GBP6: variants seen among roughly 807,000 people sequenced by gnomAD.
GBP6 encodes guanylate-binding protein 6.
Under a neutral mutation model 61.5 loss-of-function variants are expected in GBP6, and 54 were observed. That is an observed-to-expected ratio of 0.88 (90% CI 0.71 to 1.10). GBP6 has a LOEUF of 1.10. Ranked by LOEUF, GBP6 falls within the 50% of genes least tolerant of loss-of-function variation. The probability of loss-of-function intolerance (pLI) is 0.00; values close to 1 mark genes in which losing one functional copy is unlikely to be tolerated. For synonymous variants in GBP6, 255 were observed against 273.7 expected (o/e 0.93, Z 0.67); for missense variants, 748 against 752.8 (o/e 0.99, Z 0.07).
intron 10 of GBP6, 130 bp from the exon 11 acceptor site, chr1:89,385,100 T>A: frequency 1.3e-6 from 1 of 785,802 alleles, no homozygotes; most frequent in Non-Finnish European, 2.0e-6. Context: ...AGGTCCAAAT[T>A]CTCCTCTAAT....
At chr1:89,383,626 C>A (rs1653049249) in intron 8 of GBP6, 26 bp from the exon 9 acceptor site, 1 of 1,479,086 alleles carries the variant, frequency 6.8e-7, no homozygotes, top group Non-Finnish European at 9.4e-7. Context: ...TCAAAGAAAT[C>A]TAAGTGCTTT....
intron 3 of GBP6, among the ~76,000 whole-genome samples, chr1:89,373,378 C>T (rs137873279): frequency 1.4e-3 from 215 of 152,200 alleles, no homozygotes; most frequent in African/African-American, 4.3e-3. Context: ...ATGTTTATTG[C>T]GGCACTATTC....
At position 89,382,789 on chromosome 1, in the gene GBP6, C is replaced by T. The variant is rs1220250370; in HGVS notation, c.1278C>T (p.Phe426=). ...TGGAAAGTATCTCAGCAGGAAGTTT[C>T]TCTGTTCCTGGAGGGCACAAGCTCT... ...GLMESISAGS[F]SVPGGHKLYM... Residue 426 remains phenylalanine, a synonymous_variant, in exon 8 of 11, where the codon TTC becomes TTT. Coordinates refer to ENST00000370456, the MANE Select transcript of GBP6 (RefSeq NM_198460.3). 1.2e-6 allele frequency: 2 copies of T among 1,613,916 alleles called. No homozygotes were observed. Among genetic ancestry groups the T allele is most frequent in the Non-Finnish European group, 1.7e-6 (2 of 1,179,942 alleles).
rs1305518667 is a variant in GBP6 at position 89,385,237 on chromosome 1, A to G, written c.1670A>G (p.Asn557Ser). ...TTCCTACATTGTCTTTAGGTCCAAAATGATTGGCTTCATGAAGGATTTAAG... is the reference window on the plus strand; with the variant it reads ...TTCCTACATTGTCTTTAGGTCCAAAGTGATTGGCTTCATGAAGGATTTAAG... Reference protein sequence around the residue: ...MMLEHTQKVQNDWLHEGFKKK... With the variant: ...MMLEHTQKVQSDWLHEGFKKK... Residue 557 changes from asparagine to serine, a missense_variant, in exon 11 of 11, where the codon AAT (asparagine) becomes AGT (serine). Coordinates refer to ENST00000370456, the MANE Select transcript of GBP6 (RefSeq NM_198460.3). 6.2e-7 allele frequency: 1 copy of G among 1,613,024 alleles called. No homozygotes were observed. Among genetic ancestry groups the G allele is most frequent in the Non-Finnish European group, 8.5e-7 (1 of 1,179,120 alleles).
intron 2 of GBP6, among the ~76,000 whole-genome samples, 198 bp downstream of exon 2, chr1:89,368,939 ACT>A (rs1652541911): frequency 6.6e-6 from 1 of 151,996 alleles, no homozygotes; most frequent in African/African-American, 2.4e-5. Flanking sequence ...CATTAAGGAA[ACT>A]CTACATTACT....
chr1:89,378,660 T>C, intron 5 of GBP6, 47 bp downstream of exon 5: 1 of 1,424,210 alleles, frequency 7.0e-7, no homozygotes. Context: ...GGGTGTGTGA[T>C]CTGCTAAACA....
intron 3 of GBP6, among the ~76,000 whole-genome samples, chr1:89,372,388 G>A (rs934265193): frequency 9.2e-5 from 14 of 152,196 alleles, no homozygotes; most frequent in African/African-American, 3.4e-4. Flanking sequence ...AAAGTTGGAG[G>A]CATCATGCTA....
In GBP6 at chr1:89,382,810, G is replaced by A; in HGVS notation, c.1299G>A (p.Lys433=). The change falls in exon 8 of 11, where the codon AAG becomes AAA. Residue 433 remains lysine, a synonymous_variant. Coordinates refer to ENST00000370456, the MANE Select transcript of GBP6 (RefSeq NM_198460.3). ...AGSFSVPGGH[K]LYMETKERIE... is the part of the protein sequence containing the mutation. ...GTTTCTCTGTTCCTGGAGGGCACAA[G>A]CTCTACATGGAAACAAAGGAAAGGA... The A allele has an allele frequency of 1.9e-6, 3 of 1,614,054 alleles. No individual in the cohort carries two copies. Among genetic ancestry groups the A allele is most frequent in the Non-Finnish European group, 2.5e-6 (3 of 1,179,936 alleles).
rs1310021711 is a variant in GBP6, at chr1:89,373,349, T to C, written c.318+3676T>C. On this transcript the variant is annotated intron_variant, in intron 3 of 10. Transcript: ENST00000370456. ...CAAAGGATTATAGATCATGCTGCTA[T>C]AAAGACACATGCACATGTATGTTTA... Among the ~76,000 whole-genome samples, 5 of 152,302 alleles carry C rather than the reference T, an allele frequency of 3.3e-5. No individual in the cohort carries two copies. The East Asian group carries it at 7.7e-4, about 23-fold the overall frequency.
At chr1:89,367,668 A>G (rs1652502499) in intron 1 of GBP6, among the ~76,000 whole-genome samples, 1 of 152,138 alleles carries the variant, frequency 6.6e-6, no homozygotes, top group African/African-American at 2.4e-5. Flanking sequence ...AGTGTGGTGT[A>G]TCTAATTTTT....
At position 89,384,163 on chromosome 1, in the gene GBP6, G is replaced by A. The variant is rs149786780; in HGVS notation, c.1539G>A (p.Gln513=). The A allele has an allele frequency of 1.9e-6, 3 of 1,614,016 alleles. No homozygotes were observed. In the African/African-American group the frequency reaches 4.0e-5, roughly 22 times the overall value. The change falls in exon 10 of 11, where the codon CAG becomes CAA. Residue 513 remains glutamine, a synonymous_variant. Coordinates refer to ENST00000370456, the MANE Select transcript of GBP6 (RefSeq NM_198460.3). Reference sequence around the variant, plus strand: ...TAAAACAGAAATTACAGGAGCAGCAGCAACAGATGGAGGCTCAAGATAAGA... The same window carrying A: ...TAAAACAGAAATTACAGGAGCAGCAACAACAGATGGAGGCTCAAGATAAGA... The part of the protein sequence containing the change: ...ELLKQKLQEQ[Q]QQMEAQDKSR...
At position 89,380,585 on chromosome 1, in the gene GBP6, T is replaced by G. The variant is rs779220740; in HGVS notation, c.825T>G (p.His275Gln). 7 of 1,614,152 alleles carry G rather than the reference T, an allele frequency of 4.3e-6. No homozygotes were observed. The highest frequency in any genetic ancestry group is 5.9e-6 in the Non-Finnish European group (7 of 1,179,968). ...TNIFCSYIFTHARTKTLREGI... is the reference protein window; with the variant it reads ...TNIFCSYIFTQARTKTLREGI... ...TTTTCTGTTCTTACATCTTCACTCA[T>G]GCAAGAACCAAGACCCTCAGGGAGG... The change falls in exon 6 of 11, where the codon CAT becomes CAG. Residue 275 changes from histidine to glutamine, a missense_variant. By Grantham distance (24) the His-to-Gln change is conservative (BLOSUM62 0). Transcript: ENST00000370456.
At position 89,384,181 on chromosome 1, in the gene GBP6, A is replaced by C. The variant is rs1019590607; in HGVS notation, c.1557A>C (p.Gln519His). Residue 519 changes from glutamine to histidine, a missense_variant, in exon 10 of 11, where the codon CAA (glutamine) becomes CAC (histidine). By Grantham distance (24) the Gln-to-His change is conservative. Transcript: ENST00000370456. ...AGCAGCAGCAACAGATGGAGGCTCA[A>C]GATAAGAGTCGCAAGGAAAACATAG... The part of the protein sequence containing the change: ...LQEQQQQMEA[Q>H]DKSRKENIAQ... 6.2e-7 allele frequency: 1 copy of C among 1,614,074 alleles called. No individual in the cohort carries two copies. Among genetic ancestry groups the C allele is most frequent in the South Asian group, 1.1e-5 (1 of 91,076 alleles).
chr1:89,366,341 T>C (rs901987682), intron 1 of GBP6, among the ~76,000 whole-genome samples: 2 of 152,228 alleles, frequency 1.3e-5, no homozygotes. Flanking sequence ...AGCCTGTACT[T>C]GAATTCTTTA....
Position 89,378,180 on chromosome 1 carries a change from C to A in GBP6, c.396C>A (p.Ser132Arg). The A allele has an allele frequency of 6.2e-7, 1 of 1,612,772 alleles. No individual in the cohort carries two copies. Among genetic ancestry groups the A allele is most frequent in the Non-Finnish European group, 8.5e-7 (1 of 1,179,712 alleles). Residue 132 changes from serine (S) to arginine (R), a missense_variant, in exon 4 of 11, where the codon AGC becomes AGA. Transcript: ENST00000370456. The part of the protein sequence containing the change: ...LCSTFVYNSM[S>R]TINHQALEQL... ...GCACCTTTGTCTACAACAGCATGAG[C>A]ACCATCAACCACCAGGCCCTGGAGC...
At chr1:89,378,742 G>T (rs1270428559) in intron 5 of GBP6, 129 bp downstream of exon 5, 3 of 666,174 alleles carry the variant, frequency 4.5e-6, no homozygotes, top group East Asian at 5.4e-5. Flanking sequence ...GGACTGAGGG[G>T]TATGTTGAAG....
chr1:89,377,790 G>A (rs1369332096), intron 3 of GBP6, among the ~76,000 whole-genome samples: 2 of 152,152 alleles, frequency 1.3e-5, no homozygotes, highest in Admixed American at 6.5e-5. Context: ...AATATGTGTA[G>A]ACTGAAGAAG....
rs750961119 is a variant in GBP6, at chr1:89,369,571, G to A, written c.216G>A (p.Gln72=). The change falls in exon 3 of 11, where the codon CAG becomes CAA. Residue 72 remains glutamine, a synonymous_variant. Coordinates refer to ENST00000370456, the MANE Select transcript of GBP6 (RefSeq NM_198460.3). ...GCTTCCCTCTGGGCTCCACGGTGCA[G>A]TCTGAAACCAAGGGCATCTGGATGT... The part of the protein sequence containing the change: ...NHGFPLGSTV[Q]SETKGIWMWC... 6 of 1,613,958 alleles carry A rather than the reference G, an allele frequency of 3.7e-6. No individual in the cohort carries two copies. Among genetic ancestry groups the A allele is most frequent in the East Asian group, 2.2e-5 (1 of 44,890 alleles).
At chr1:89,373,715 AATG>A (rs571211915) in intron 3 of GBP6, among the ~76,000 whole-genome samples, 376 of 152,152 alleles carry the variant, frequency 2.5e-3, no homozygotes, top group Non-Finnish European at 4.1e-3. Context: ...ACCTAATGTA[AATG>A]ATGAGTTAAT....
Sources: allele counts gnomAD v4.1 joint callset (sites outside exome capture counted in the v4.1 genomes callset), GRCh38; gene constraint gnomAD v4.1.1; transcripts MANE v1.5; gene names NCBI Gene and HGNC (gene_info 2026-07-23, HGNC 2026-07-21).